DLC1: variants seen among roughly 807,000 people sequenced by gnomAD.
The protein encoded by DLC1 is DLC1 Rho GTPase activating protein, also known as rho GTPase-activating protein 7.
In DLC1, 54 loss-of-function variants were observed where a neutral mutation model predicts 140.3. That is an observed-to-expected ratio of 0.38 (90% confidence interval 0.31 to 0.48). The LOEUF is 0.48. DLC1 is among the 20% of genes least tolerant of loss of function. The probability of loss-of-function intolerance (pLI) is 0.96; values close to 1 mark genes in which losing one functional copy is unlikely to be tolerated. For synonymous variants in DLC1, 986 were observed against 728.1 expected (o/e 1.35, Z -5.70); for missense variants, 2,536 against 1,907.0 (o/e 1.33, Z -6.14).
At chr8:13,305,173 T>G in intron 5 of DLC1, 96 bp downstream of exon 5, 1 of 1,519,786 alleles carries the variant, frequency 6.6e-7, no homozygotes, top group Non-Finnish European at 8.8e-7. Flanking sequence ...ATTCATGAGA[T>G]GTATACATTT....
intron 15 of DLC1, among the ~76,000 whole-genome samples, chr8:13,089,517 C>A (rs113251369): frequency 6.6e-6 from 1 of 151,710 alleles, no homozygotes; most frequent in African/African-American, 2.4e-5. Context: ...GCCAGCTACT[C>A]GGGAGGCTGA....
At chr8:13,204,099 A>T (rs527434352) in intron 5 of DLC1, among the ~76,000 whole-genome samples, 1 of 152,254 alleles carries the variant, frequency 6.6e-6, no homozygotes, top group East Asian at 1.9e-4. Context: ...GAAGGACAAA[A>T]ATGCTCAGGG....
chr8:13,487,961 A>G (rs1018432829), intron 2 of DLC1, among the ~76,000 whole-genome samples: 18 of 152,328 alleles, frequency 1.2e-4, no homozygotes, highest in Admixed American at 5.9e-4. Flanking sequence ...TGCCTGCTTT[A>G]CACTCTGACT....
chr8:13,426,828 C>T (rs1422973207), intron 2 of DLC1, among the ~76,000 whole-genome samples: 1 of 152,140 alleles, frequency 6.6e-6, no homozygotes, highest in Non-Finnish European at 1.5e-5. Context: ...ATTTGTCTCT[C>T]ATCCTAGGAG....
At chr8:13,382,487 GA>G (rs1246901825) in intron 4 of DLC1, among the ~76,000 whole-genome samples, 12 of 112,086 alleles carry the variant, frequency 1.1e-4, no homozygotes, top group African/African-American at 4.1e-4. Flanking sequence ...CAGCCTGGGC[GA>G]CAGCGAGACT....
intron 5 of DLC1, among the ~76,000 whole-genome samples, chr8:13,223,394 C>G (rs942875276): frequency 6.6e-6 from 1 of 152,146 alleles, no homozygotes; most frequent in South Asian, 2.1e-4. Flanking sequence ...TTAAATAATA[C>G]AATAATCTGT....
intron 1 of DLC1, among the ~76,000 whole-genome samples, chr8:13,553,937 C>G (rs953828074): frequency 6.6e-5 from 10 of 152,052 alleles, no homozygotes; most frequent in Admixed American, 2.0e-4. Flanking sequence ...TTTGTCTGCG[C>G]CCTTTGCTTG....
At chr8:13,543,166 T>C (rs973161432) in intron 1 of DLC1, among the ~76,000 whole-genome samples, 2 of 152,170 alleles carry the variant, frequency 1.3e-5, no homozygotes, top group Non-Finnish European at 2.9e-5. Context: ...TATTTTAGAA[T>C]AAATATTCAA....
At chr8:13,122,102 T>A (rs1468734026) in intron 5 of DLC1, among the ~76,000 whole-genome samples, 1 of 152,022 alleles carries the variant, frequency 6.6e-6, no homozygotes, top group Non-Finnish European at 1.5e-5. Context: ...AACAAATCCG[T>A]CCTCCTTCAA....
intron 1 of DLC1, among the ~76,000 whole-genome samples, chr8:13,507,837 G>T (rs1177451460): frequency 1.3e-5 from 2 of 152,190 alleles, no homozygotes; most frequent in Non-Finnish European, 2.9e-5. Context: ...GGAATAAGTA[G>T]TGTTTCACTT....
At chr8:13,217,643 G>A (rs533029636) in intron 5 of DLC1, among the ~76,000 whole-genome samples, 1 of 152,024 alleles carries the variant, frequency 6.6e-6, no homozygotes, top group Middle Eastern at 3.4e-3. Flanking sequence ...GACCATCCTG[G>A]CTAACATGGT....
At chr8:13,154,020 C>G (rs1031088478) in intron 5 of DLC1, among the ~76,000 whole-genome samples, 4 of 152,088 alleles carry the variant, frequency 2.6e-5, no homozygotes, top group African/African-American at 9.7e-5. Context: ...CAAAGGTTCT[C>G]CAAGTCCCCA....
chr8:13,554,152 T>C (rs945134479), intron 1 of DLC1, among the ~76,000 whole-genome samples: 2 of 152,076 alleles, frequency 1.3e-5, no homozygotes, highest in Admixed American at 6.6e-5. Flanking sequence ...CTGCAACCTC[T>C]GCCTCCTGAG....
At chr8:13,097,005 G>A (rs1337655449) in intron 10 of DLC1, among the ~76,000 whole-genome samples, 1 of 152,106 alleles carries the variant, frequency 6.6e-6, no homozygotes, top group East Asian at 1.9e-4. Flanking sequence ...ACCCAGATTA[G>A]GTGATATCCA....
intron 5 of DLC1, among the ~76,000 whole-genome samples, chr8:13,265,608 G>C (rs1563209237): frequency 1.3e-5 from 2 of 152,172 alleles, no homozygotes; most frequent in East Asian, 3.9e-4. Flanking sequence ...AAGACAGCAT[G>C]AGGCCGTTTA....
In DLC1 at chr8:13,091,335, A is replaced by G; in HGVS notation, c.3838T>C (p.Cys1280Arg). 6.2e-7 allele frequency: 1 copy of G among 1,614,074 alleles called. No individual in the cohort carries two copies. Among genetic ancestry groups the G allele is most frequent in the Non-Finnish European group, 8.5e-7 (1 of 1,180,024 alleles). ...TQGLAHMIAE[C>R]KKLFQVPEEM... ...TTCCTTACCTGGAAAAGCTTCTTGC[A>G]CTCGGCGATCATATGGGCCAGCCCT... Residue 1280 changes from cysteine to arginine, a missense_variant, in exon 14 of 18, where the codon TGC becomes CGC. Coordinates refer to ENST00000276297, the MANE Select transcript of DLC1 (RefSeq NM_182643.3).
chr8:13,302,067 T>C (rs1191004123), intron 5 of DLC1, among the ~76,000 whole-genome samples: 2 of 152,242 alleles, frequency 1.3e-5, no homozygotes, highest in Admixed American at 6.5e-5. Flanking sequence ...TCAGTTCTGA[T>C]TATTTAAAAA....
intron 5 of DLC1, among the ~76,000 whole-genome samples, chr8:13,189,382 G>A (rs1029858141): frequency 6.6e-6 from 1 of 152,126 alleles, no homozygotes; most frequent in Non-Finnish European, 1.5e-5. Context: ...GAAGGCTGAG[G>A]CAGGAGGATC....
chr8:13,252,916 C>T (rs543365699), intron 5 of DLC1, among the ~76,000 whole-genome samples: 1 of 152,150 alleles, frequency 6.6e-6, no homozygotes, highest in Non-Finnish European at 1.5e-5. Flanking sequence ...TAAGTTTTAT[C>T]AAGAACCCAA....
Sources: allele counts gnomAD v4.1 joint callset (sites outside exome capture counted in the v4.1 genomes callset), GRCh38; gene constraint gnomAD v4.1.1; transcripts MANE v1.5; gene names NCBI Gene and HGNC (gene_info 2026-07-23, HGNC 2026-07-21).